Variants in CAPRIN1 observed in about 807,000 individuals in gnomAD.
CAPRIN1 encodes the protein caprin-1.
CAPRIN1 carries 29 observed loss-of-function variants against 100.9 expected under a neutral mutation model. That is an observed-to-expected ratio of 0.29 (90% CI 0.21 to 0.39). The LOEUF is 0.39. Ranked by LOEUF, CAPRIN1 falls within the 10% of genes least tolerant of loss-of-function variation. CAPRIN1 has a pLI of 1.00. For missense variants in CAPRIN1, 795 were observed against 876.7 expected, an observed-to-expected ratio of 0.91 and a Z score of 1.18; for synonymous variants, 338 against 307.5, an observed-to-expected ratio of 1.10 and a Z score of -1.04.
intron 2 of CAPRIN1, among the ~76,000 whole-genome samples, chr11:34,057,018 C>T (rs1850464950): frequency 6.6e-6 from 1 of 152,172 alleles, no homozygotes; most frequent in African/African-American, 2.4e-5. Flanking sequence ...CTTTCTAGAA[C>T]GTTGCAGTGT....
intron 7 of CAPRIN1, among the ~76,000 whole-genome samples, chr11:34,082,528 C>A (rs1851053402): frequency 6.6e-6 from 1 of 152,176 alleles, no homozygotes; most frequent in South Asian, 2.1e-4. Context: ...CACAGCAAAA[C>A]TGAACAGAAG....
chr11:34,100,550 A>AT lies in CAPRIN1; in HGVS notation c.*1185dup, dbSNP rs1173138109. 6.6e-6 allele frequency: 1 copy of AT among 152,156 alleles called. No individual in the cohort carries two copies. The highest frequency in any genetic ancestry group is 2.4e-5 in the African/African-American group (1 of 41,438). The allele number at this position is 152,156 out of a possible 1,614,324, so 9.4% of individuals were successfully genotyped here. ...TGTTCAACAGCTAGCAGCTTATGTG[A>AT]TTCACCCCATGCCACGTTAGTGTCA... On this transcript the variant is annotated 3_prime_UTR_variant, in exon 19 of 19. Transcript: ENST00000341394.
At position 34,086,169 on chromosome 11, in the gene CAPRIN1, C is replaced by G; in HGVS notation, c.1072C>G (p.Arg358Gly). The G allele has an allele frequency of 6.2e-7, 1 of 1,613,984 alleles. No homozygotes were observed. Among genetic ancestry groups the G allele is most frequent in the South Asian group, 1.1e-5 (1 of 91,086 alleles). Residue 358 changes from arginine to glycine, a missense_variant, in exon 10 of 19, where the codon CGA becomes GGA. Transcript: ENST00000341394. Reference sequence around the variant, plus strand: ...GGCAGATCCCCTTGTGAGAAGACAGCGAGTACAAGACCTTATGGCACAAAT... The same window carrying G: ...GGCAGATCCCCTTGTGAGAAGACAGGGAGTACAAGACCTTATGGCACAAAT... ...AQADPLVRRQ[R>G]VQDLMAQMQG... is the part of the protein sequence containing the mutation.
intron 2 of CAPRIN1, among the ~76,000 whole-genome samples, chr11:34,066,035 G>A (rs897465951): frequency 1.3e-5 from 2 of 151,898 alleles, no homozygotes; most frequent in African/African-American, 2.4e-5. Flanking sequence ...GTGTGATAGC[G>A]TGATCACACG....
At chr11:34,061,131 G>A (rs1358350364) in intron 2 of CAPRIN1, among the ~76,000 whole-genome samples, 4 of 149,526 alleles carry the variant, frequency 2.7e-5, no homozygotes, top group Non-Finnish European at 5.9e-5. Flanking sequence ...CAAACGGCTT[G>A]TGAAACTAAA....
Position 34,099,661 on chromosome 11 carries a change from A to G in CAPRIN1, c.*294A>G, listed in dbSNP as rs765279390. The G allele has an allele frequency of 1.1e-4, 36 of 325,732 alleles. No homozygotes were observed. Among genetic ancestry groups the G allele is most frequent in the African/African-American group, 1.9e-4 (9 of 47,126 alleles). The allele number at this position is 325,732 out of a possible 1,614,324, so 20.2% of individuals were successfully genotyped here. A position where few individuals can be genotyped will look rare whatever the true frequency, so the allele number is the denominator to read the frequency against. On this transcript the variant is annotated 3_prime_UTR_variant, in exon 19 of 19. Coordinates refer to ENST00000341394, the MANE Select transcript of CAPRIN1 (RefSeq NM_005898.5). ...AAAACAATATACTTTACAGGGTGATAATAATCTCCATAGTTATTTGAAGTG... is the reference window on the plus strand; with the variant it reads ...AAAACAATATACTTTACAGGGTGATGATAATCTCCATAGTTATTTGAAGTG...
intron 2 of CAPRIN1, chr11:34,052,885 C>T (rs1403444568): frequency 3.7e-5 from 51 of 1,370,538 alleles, no homozygotes; most frequent in South Asian, 2.6e-4. Context: ...CTTTATTACT[C>T]TTCCGCTGTG....
chr11:34,073,364 A>G (rs1850839424), intron 4 of CAPRIN1, among the ~76,000 whole-genome samples: 1 of 152,236 alleles, frequency 6.6e-6, no homozygotes, highest in Admixed American at 6.5e-5. Context: ...TCGGTTTTCT[A>G]ATCTGTAAAG....
At chr11:34,055,519 G>C (rs1490053152) in intron 2 of CAPRIN1, among the ~76,000 whole-genome samples, 1 of 152,146 alleles carries the variant, frequency 6.6e-6, no homozygotes, top group East Asian at 1.9e-4. Flanking sequence ...GTAGAGACAG[G>C]TTTTACCTTG....
intron 7 of CAPRIN1, among the ~76,000 whole-genome samples, chr11:34,080,756 A>C (rs1851012996): frequency 6.6e-6 from 1 of 152,230 alleles, no homozygotes. Context: ...CAAGTTAATG[A>C]AACTCTTGTA....
intron 2 of CAPRIN1, among the ~76,000 whole-genome samples, chr11:34,054,014 T>C (rs1850394213): frequency 6.6e-6 from 1 of 152,236 alleles, no homozygotes; most frequent in South Asian, 2.1e-4. Flanking sequence ...CACCTAATAG[T>C]GTTACTTGAG....
intron 6 of CAPRIN1, among the ~76,000 whole-genome samples, chr11:34,078,165 T>C (rs1317704560): frequency 6.6e-6 from 1 of 152,216 alleles, no homozygotes; most frequent in Non-Finnish European, 1.5e-5. Context: ...GATTTGTATC[T>C]ATAACTTTTT....
chr11:34,088,370 CAT>C (rs1420457419), intron 11 of CAPRIN1, among the ~76,000 whole-genome samples: 1 of 152,012 alleles, frequency 6.6e-6, no homozygotes, highest in Non-Finnish European at 1.5e-5. Context: ...GTTATGTTAA[CAT>C]ATATTGAGCC....
At chr11:34,094,373 AT>A (rs760120467) in intron 15 of CAPRIN1, among the ~76,000 whole-genome samples, 10 of 152,304 alleles carry the variant, frequency 6.6e-5, no homozygotes, top group Non-Finnish European at 1.2e-4. Flanking sequence ...TGTTGAAGAA[AT>A]CATTTCAGTA....
chr11:34,088,332 C>G (rs1216761582), intron 11 of CAPRIN1, among the ~76,000 whole-genome samples: 1 of 151,934 alleles, frequency 6.6e-6, no homozygotes, highest in African/African-American at 2.4e-5. Context: ...TTTTCTTTTT[C>G]TCTAGAAACA....
chr11:34,099,258 AAAT>A (rs1244994170), intron 18 of CAPRIN1, 42 bp from the exon 19 acceptor site: 69 of 1,606,486 alleles, frequency 4.3e-5, no homozygotes, highest in Non-Finnish European at 5.5e-5. Context: ...AAGGCAAAAC[AAAT>A]AATATTTGAA....
intron 9 of CAPRIN1, among the ~76,000 whole-genome samples, chr11:34,084,123 C>T (rs933800874): frequency 8.6e-5 from 13 of 151,586 alleles, no homozygotes; most frequent in Admixed American, 7.9e-4. Context: ...TTGAGAGTCT[C>T]ACTCTTGCCC....
intron 2 of CAPRIN1, among the ~76,000 whole-genome samples, chr11:34,069,151 GTT>G (rs759857309): frequency 6.8e-5 from 9 of 132,784 alleles, no homozygotes; most frequent in Non-Finnish European, 6.5e-5. Flanking sequence ...AACTTATTTA[GTT>G]TTTTTTTTTT....
chr11:34,055,609 G>A (rs1017809196), intron 2 of CAPRIN1: 5 of 152,242 alleles, frequency 3.3e-5, no homozygotes, highest in African/African-American at 1.2e-4. Context: ...TTACAGGTGT[G>A]AGCCACCATG....
Sources: allele counts gnomAD v4.1 joint callset (sites outside exome capture counted in the v4.1 genomes callset), GRCh38; gene constraint gnomAD v4.1.1; transcripts MANE v1.5; gene names NCBI Gene and HGNC (gene_info 2026-07-23, HGNC 2026-07-21).